Variants in PKIB observed in about 807,000 individuals in gnomAD.
The protein encoded by PKIB is PKI-beta.
Under a neutral mutation model 4.5 loss-of-function variants are expected in PKIB, and 2 were observed. That is an observed-to-expected ratio of 0.44 (90% CI 0.18 to 1.39). The LOEUF (loss-of-function observed/expected upper bound fraction) is 1.39. Ranked by LOEUF, PKIB falls within the 40% of genes most tolerant of loss-of-function variation. The pLI is 0.27. For synonymous variants in PKIB, 38 were observed against 36.0 expected (o/e 1.06, Z -0.20); for missense variants, 94 against 92.6 (o/e 1.02, Z -0.06).
chr6:122,583,307 A>G (rs897394639), intron 2 of PKIB, among the ~76,000 whole-genome samples: 1 of 152,112 alleles, frequency 6.6e-6, no homozygotes, highest in Non-Finnish European at 1.5e-5. Context: ...ACTGTGAGAT[A>G]GGCATGCCCA....
intron 2 of PKIB, among the ~76,000 whole-genome samples, chr6:122,499,394 G>T (rs1199690798): frequency 6.6e-6 from 1 of 152,178 alleles, no homozygotes; most frequent in East Asian, 1.9e-4. Flanking sequence ...AGCAGTCAGG[G>T]TTGGTTGAAT....
At position 122,714,042 on chromosome 6, in the gene PKIB, G is replaced by T. The variant is rs369106439; in HGVS notation, c.-8-3745G>T. On this transcript the variant is annotated intron_variant, in intron 3 of 4. Transcript: ENST00000368452. ...ACTTTTTTTCTTGTTGGGCTTTCAG[G>T]TTGTCTCCAGTGGTACAATAAATCT... 4.6e-5 allele frequency among the ~76,000 whole-genome samples: 7 copies of T among 152,208 alleles called. 1 individual carries two copies. The highest frequency in any genetic ancestry group is 1.2e-4 in the African/African-American group (5 of 41,532).
At chr6:122,514,286 T>C (rs1776677979) in intron 2 of PKIB, among the ~76,000 whole-genome samples, 1 of 152,196 alleles carries the variant, frequency 6.6e-6, no homozygotes. Flanking sequence ...ACATTCCCTG[T>C]ATGCCTGGAA....
Position 122,612,790 on chromosome 6 carries a change from T to C in PKIB, c.-161+2255T>C, listed in dbSNP as rs529497187. 5.2e-4 allele frequency among the ~76,000 whole-genome samples: 79 copies of C among 152,292 alleles called. 2 individuals are homozygous for C. Among genetic ancestry groups the C allele is most frequent in the East Asian group, 2.7e-3 (14 of 5,182 alleles). ...GTGTTTGTGAGTACCCGTTTTCATT[T>C]CTCTTGGGTAGATGCTTAACAGTGA... On this transcript the variant is annotated intron_variant, in intron 1 of 4. Coordinates refer to ENST00000368452, the MANE Select transcript of PKIB (RefSeq NM_181795.3).
chr6:122,630,565 T>C (rs989247296), intron 1 of PKIB, among the ~76,000 whole-genome samples: 1 of 152,122 alleles, frequency 6.6e-6, no homozygotes, highest in Non-Finnish European at 1.5e-5. Flanking sequence ...GGGTATGAAA[T>C]TTCAGTTTTG....
intron 2 of PKIB, among the ~76,000 whole-genome samples, chr6:122,516,936 C>A (rs773882131): frequency 3.6e-4 from 55 of 152,136 alleles, no homozygotes; most frequent in Non-Finnish European, 5.9e-4. Context: ...GTACCCAATT[C>A]TAATTCTGTG....
intron 2 of PKIB, among the ~76,000 whole-genome samples, chr6:122,492,197 A>G (rs1169409197): frequency 2.0e-5 from 3 of 152,210 alleles, no homozygotes; most frequent in Non-Finnish European, 4.4e-5. Flanking sequence ...AAATACATTT[A>G]TGTATTCATG....
intron 2 of PKIB, among the ~76,000 whole-genome samples, chr6:122,659,531 C>A (rs1562289442): frequency 6.6e-6 from 1 of 151,978 alleles, no homozygotes; most frequent in Non-Finnish European, 1.5e-5. Context: ...GTAAACTTAA[C>A]TTAGTGAAAG....
At chr6:122,514,763 G>A (rs1429520436) in intron 2 of PKIB, among the ~76,000 whole-genome samples, 2 of 152,124 alleles carry the variant, frequency 1.3e-5, no homozygotes, top group African/African-American at 4.8e-5. Context: ...GGGAACCAGG[G>A]GAAGTGGAAA....
At chr6:122,619,831 C>G (rs1301043361) in intron 1 of PKIB, among the ~76,000 whole-genome samples, 1 of 152,098 alleles carries the variant, frequency 6.6e-6, no homozygotes, top group African/African-American at 2.4e-5. Context: ...CTACCTCCCC[C>G]TTGACCCAAT....
chr6:122,533,146 T>TTTA lies in PKIB; in HGVS notation c.-247-52773_-247-52772insATT, dbSNP rs1777307450. ...ATAGTGTCCTTTGATGCACAAAACT[T>TTTA]TTTATTTATTTATTTATTTATTTAT... On this transcript the variant is annotated intron_variant, in intron 2 of 6. Transcript: ENST00000392491. Among the ~76,000 whole-genome samples the TTTA allele has an allele frequency of 7.9e-3, 834 of 105,478 alleles. 7 individuals carry two copies. The highest frequency in any genetic ancestry group is 0.015 in the Admixed American group (140 of 9,210). 69.2% of individuals were successfully genotyped at this position (105,478 alleles called of 152,430 possible). A position where few individuals can be genotyped will look rare whatever the true frequency, so the allele number is the denominator to read the frequency against.
chr6:122,719,075 A>G (rs1039097613), intron 4 of PKIB, among the ~76,000 whole-genome samples: 1 of 152,216 alleles, frequency 6.6e-6, no homozygotes, highest in African/African-American at 2.4e-5. Context: ...TAATATGACC[A>G]TAGGAAGATG....
At chr6:122,558,001 A>C (rs1216781916) in intron 2 of PKIB, among the ~76,000 whole-genome samples, 1 of 152,142 alleles carries the variant, frequency 6.6e-6, no homozygotes, top group Non-Finnish European at 1.5e-5. Context: ...TCATCATGTT[A>C]ACACAAGAGG....
At chr6:122,627,309 A>G (rs1775494567) in intron 1 of PKIB, among the ~76,000 whole-genome samples, 1 of 151,314 alleles carries the variant, frequency 6.6e-6, no homozygotes, top group Non-Finnish European at 1.5e-5. Flanking sequence ...TAGTCCTAGC[A>G]CTCTGCTCTT....
intron 3 of PKIB, among the ~76,000 whole-genome samples, chr6:122,691,537 CTTAA>C (rs1288643817): frequency 1.3e-5 from 2 of 152,054 alleles, no homozygotes; most frequent in Non-Finnish European, 2.9e-5. Flanking sequence ...CTTGATTCTT[CTTAA>C]TTATTTCAAT....
intron 1 of PKIB, among the ~76,000 whole-genome samples, chr6:122,614,114 C>T (rs1203110948): frequency 6.6e-6 from 1 of 152,118 alleles, no homozygotes; most frequent in African/African-American, 2.4e-5. Flanking sequence ...TCTTCAGTCA[C>T]TCCTAGTTGT....
chr6:122,579,444 T>C (rs1282819970), intron 2 of PKIB, among the ~76,000 whole-genome samples: 2 of 152,190 alleles, frequency 1.3e-5, no homozygotes, highest in South Asian at 2.1e-4. Flanking sequence ...AATACTTTTG[T>C]ATTTTTGTGC....
intron 3 of PKIB, among the ~76,000 whole-genome samples, chr6:122,598,800 A>G (rs989398064): frequency 6.6e-6 from 1 of 152,114 alleles, no homozygotes; most frequent in Non-Finnish European, 1.5e-5. Flanking sequence ...ATAAACTATT[A>G]TAATCTTTTT....
chr6:122,567,338 T>C (rs1773223942), intron 2 of PKIB, among the ~76,000 whole-genome samples: 1 of 152,176 alleles, frequency 6.6e-6, no homozygotes, highest in African/African-American at 2.4e-5. Context: ...TTTATACTGA[T>C]CCACAGAATT....
Sources: allele counts gnomAD v4.1 joint callset (sites outside exome capture counted in the v4.1 genomes callset), GRCh38; gene constraint gnomAD v4.1.1; transcripts MANE v1.5; gene names NCBI Gene and HGNC (gene_info 2026-07-23, HGNC 2026-07-21).